The following USP34 variants were observed in gnomAD, a reference collection of about 807,000 sequenced individuals.
The protein encoded by USP34 is ubiquitin specific peptidase 34.
A neutral mutation model predicts 460.3 loss-of-function variants in USP34; 70 were observed. The observed-to-expected ratio is 0.15, with a 90% CI of 0.13 to 0.19. USP34 has a LOEUF of 0.19. Ranked by LOEUF, USP34 falls within the 10% of genes least tolerant of loss-of-function variation. USP34 has a pLI of 1.00. For synonymous variants in USP34, 1,647 were observed against 1,405.3 expected (o/e 1.17, Z -3.85); for missense variants, 3,985 against 4,236.2 (o/e 0.94, Z 1.65).
At chr2:61,198,760 T>C (rs1191512483) in intron 75 of USP34, among the ~76,000 whole-genome samples, 1 of 152,104 alleles carries the variant, frequency 6.6e-6, no homozygotes, top group Non-Finnish European at 1.5e-5. Context: ...TCCCAGCTAC[T>C]TGGGAGGCTG....
At chr2:61,327,662 C>T (rs1416733740) in intron 20 of USP34, among the ~76,000 whole-genome samples, 1 of 152,172 alleles carries the variant, frequency 6.6e-6, no homozygotes, top group East Asian at 1.9e-4. Flanking sequence ...GGACTAATAA[C>T]CCTGAAGGCA....
intron 71 of USP34, 62 bp from the exon 72 acceptor site, chr2:61,206,186 T>C (rs758376696): frequency 1.4e-6 from 2 of 1,384,180 alleles, no homozygotes; most frequent in Non-Finnish European, 2.1e-6. Context: ...ACAAATGTTT[T>C]CTACTGTAAA....
intron 78 of USP34, 57 bp downstream of exon 78, chr2:61,190,210 CCACA>C: frequency 6.6e-7 from 1 of 1,524,290 alleles, no homozygotes; most frequent in South Asian, 1.3e-5. Context: ...CATATGAAGG[CCACA>C]CAGTTAACTG....
At chr2:61,331,791 AAAAAAATC>A (rs1558534102) in intron 19 of USP34, among the ~76,000 whole-genome samples, 3 of 108,270 alleles carry the variant, frequency 2.8e-5, no homozygotes, top group Non-Finnish European at 4.2e-5. Flanking sequence ...AATTTTTTTT[AAAAAAATC>A]AAAGAAATAC....
chr2:61,196,658 A>C (rs1362618766), intron 75 of USP34, among the ~76,000 whole-genome samples: 1 of 151,938 alleles, frequency 6.6e-6, no homozygotes, highest in Non-Finnish European at 1.5e-5. Context: ...CAGCCTCTCG[A>C]GTAGCTGGGA....
intron 1 of USP34, among the ~76,000 whole-genome samples, chr2:61,463,800 C>A (rs189112834): frequency 2.6e-5 from 4 of 150,980 alleles, no homozygotes; most frequent in Non-Finnish European, 4.4e-5. Context: ...TGCCATTGCA[C>A]ACCAGCCTGG....
intron 21 of USP34, among the ~76,000 whole-genome samples, chr2:61,323,672 C>A (rs570701187): frequency 6.6e-6 from 1 of 152,218 alleles, no homozygotes; most frequent in Non-Finnish European, 1.5e-5. Flanking sequence ...TTGATACTAT[C>A]TGGACAGTAG....
chr2:61,282,698 G>C (rs1277887394), intron 37 of USP34, among the ~76,000 whole-genome samples: 1 of 152,132 alleles, frequency 6.6e-6, no homozygotes, highest in African/African-American at 2.4e-5. Flanking sequence ...GCTGAAGCCA[G>C]AGGATCGCTT....
chr2:61,267,940 G>C (rs999757438), intron 41 of USP34, among the ~76,000 whole-genome samples: 12 of 151,504 alleles, frequency 7.9e-5, no homozygotes, highest in African/African-American at 2.9e-4. Context: ...ATTTTTAGTA[G>C]AGATGGGGTT....
At chr2:61,316,310 C>T (rs1207965005) in intron 23 of USP34, among the ~76,000 whole-genome samples, 4 of 151,982 alleles carry the variant, frequency 2.6e-5, no homozygotes, top group African/African-American at 9.7e-5. Flanking sequence ...TCTGGCCAGC[C>T]GTGGTGGCTC....
intron 66 of USP34, 121 bp from the exon 67 acceptor site, chr2:61,220,578 A>C (rs1687532281): frequency 1.0e-6 from 1 of 968,186 alleles, no homozygotes; most frequent in South Asian, 3.0e-5. Flanking sequence ...TTAGAGATTA[A>C]AAAGGTTTCA....
At chr2:61,323,338 C>T (rs986707086) in intron 21 of USP34, among the ~76,000 whole-genome samples, 4 of 151,930 alleles carry the variant, frequency 2.6e-5, no homozygotes, top group South Asian at 2.1e-4. Context: ...GGTGAAACCC[C>T]GTCTCTACTA....
At chr2:61,368,038 C>T (rs776392197) in intron 10 of USP34, among the ~76,000 whole-genome samples, 62 of 152,102 alleles carry the variant, frequency 4.1e-4, no homozygotes, top group South Asian at 8.3e-4. Context: ...CTTAAACAAC[C>T]GGAAAGTAAA....
intron 1 of USP34, among the ~76,000 whole-genome samples, chr2:61,455,185 T>C (rs1207471224): frequency 1.3e-5 from 2 of 151,388 alleles, no homozygotes; most frequent in African/African-American, 4.9e-5. Flanking sequence ...CCCCAGCCTT[T>C]TGTTTGTTTT....
At chr2:61,448,211 T>C (rs146206035) in intron 1 of USP34, among the ~76,000 whole-genome samples, 1,706 of 152,354 alleles carry the variant, frequency 0.011, 13 homozygotes, top group Middle Eastern at 0.085. Flanking sequence ...TGAATGCCCA[T>C]GTCTATAATC....
intron 27 of USP34, among the ~76,000 whole-genome samples, chr2:61,309,677 AAAG>A (rs944009201): frequency 6.6e-6 from 1 of 152,184 alleles, no homozygotes; most frequent in African/African-American, 2.4e-5. Flanking sequence ...ATTTCATCCT[AAAG>A]AAGAAATTCT....
chr2:61,420,875 A>G, intron 1 of USP34, 42 bp from the exon 2 acceptor site: 1 of 1,454,466 alleles, frequency 6.9e-7, no homozygotes, highest in Non-Finnish European at 9.5e-7. Context: ...ATAATGCTAA[A>G]CCAGTATTAA....
intron 41 of USP34, among the ~76,000 whole-genome samples, chr2:61,274,053 A>G (rs552692780): frequency 2.5e-4 from 38 of 151,868 alleles, no homozygotes; most frequent in Admixed American, 5.9e-4. Context: ...AGTAGCTGTA[A>G]AAGATCAATA....
chr2:61,450,646 C>A (rs1456210642), intron 1 of USP34, among the ~76,000 whole-genome samples: 1 of 151,824 alleles, frequency 6.6e-6, no homozygotes, highest in South Asian at 2.1e-4. Flanking sequence ...TAAAGATGTG[C>A]AAATATACCA....
Sources: gnomAD v4.1 joint callset for allele counts (sites outside exome capture counted in the v4.1 genomes callset) on GRCh38, gnomAD v4.1.1 for gene constraint, MANE v1.5 for transcripts, NCBI Gene and HGNC (gene_info 2026-07-23, HGNC 2026-07-21) for gene names.